MACROD2: variants seen among roughly 807,000 people sequenced by gnomAD.
MACROD2 encodes the protein mono-ADP ribosylhydrolase 2, also known as ADP-ribose glycohydrolase MACROD2.
A neutral mutation model predicts 70.4 loss-of-function variants in MACROD2; 36 were observed. That is an observed-to-expected ratio of 0.51 (90% CI 0.39 to 0.68). The LOEUF is 0.68. Ranked by LOEUF, MACROD2 falls within the 30% of genes least tolerant of loss-of-function variation. MACROD2 has a pLI of 0.00. For missense variants in MACROD2, 496 were observed against 538.4 expected (o/e 0.92, Z 0.78); for synonymous variants, 172 against 178.8 (o/e 0.96, Z 0.30).
At chr20:15,414,108 A>G (rs1366304705) in intron 6 of MACROD2, among the ~76,000 whole-genome samples, 3 of 152,132 alleles carry the variant, frequency 2.0e-5, no homozygotes, top group South Asian at 2.1e-4. Flanking sequence ...CTAAAAGTGC[A>G]TTTCTTTCAC....
intron 3 of MACROD2, among the ~76,000 whole-genome samples, chr20:14,455,000 C>T (rs550514292): frequency 6.6e-6 from 1 of 151,732 alleles, no homozygotes; most frequent in South Asian, 2.1e-4. Flanking sequence ...GATCCGCCTG[C>T]CTTGGCCTCC....
chr20:15,896,203 T>G (rs991834383), intron 10 of MACROD2, among the ~76,000 whole-genome samples: 1 of 152,182 alleles, frequency 6.6e-6, no homozygotes, highest in Non-Finnish European at 1.5e-5. Context: ...GCTCCTGGTA[T>G]TTTTATTTAT....
intron 5 of MACROD2, among the ~76,000 whole-genome samples, chr20:15,122,688 T>C (rs1442845905): frequency 6.6e-6 from 1 of 152,204 alleles, no homozygotes; most frequent in Non-Finnish European, 1.5e-5. Context: ...ATGCATTCTA[T>C]ACATGTCTCT....
intron 3 of MACROD2, among the ~76,000 whole-genome samples, chr20:14,113,772 G>T (rs549658238): frequency 8.7e-4 from 132 of 152,204 alleles, no homozygotes; most frequent in South Asian, 3.5e-3. Context: ...AGGAAATTTA[G>T]AAATAAATTA....
chr20:15,398,931 C>T (rs1223621609), intron 6 of MACROD2, among the ~76,000 whole-genome samples: 1 of 152,188 alleles, frequency 6.6e-6, no homozygotes, highest in Non-Finnish European at 1.5e-5. Flanking sequence ...ATCCTTCTCG[C>T]CTCAGCCTCC....
At chr20:15,173,956 A>T (rs1424484805) in intron 5 of MACROD2, among the ~76,000 whole-genome samples, 1 of 152,178 alleles carries the variant, frequency 6.6e-6, no homozygotes, top group African/African-American at 2.4e-5. Flanking sequence ...TTCATTGGTT[A>T]AAAAAGTGTC....
intron 3 of MACROD2, among the ~76,000 whole-genome samples, chr20:14,340,607 C>T (rs2083003332): frequency 2.6e-5 from 4 of 152,116 alleles, no homozygotes; most frequent in South Asian, 2.1e-4. Flanking sequence ...TGTACTTACA[C>T]ATCTCATGAC....
chr20:15,260,172 A>C (rs534561969), intron 6 of MACROD2, among the ~76,000 whole-genome samples: 1 of 151,862 alleles, frequency 6.6e-6, no homozygotes, highest in East Asian at 1.9e-4. Flanking sequence ...ATTTTAAAGT[A>C]TACAAATAAT....
chr20:14,675,646 C>G (rs2070850962), intron 4 of MACROD2, among the ~76,000 whole-genome samples: 1 of 152,126 alleles, frequency 6.6e-6, no homozygotes, highest in Admixed American at 6.5e-5. Context: ...ACTGCATCAA[C>G]AAATGGGCAA....
intron 5 of MACROD2, among the ~76,000 whole-genome samples, chr20:15,017,552 C>A (rs892012062): frequency 2.0e-5 from 3 of 152,192 alleles, no homozygotes; most frequent in Admixed American, 6.5e-5. Flanking sequence ...TAGGCGGTAC[C>A]CCAGTAGGGA....
chr20:15,395,932 A>C lies in MACROD2; in HGVS notation c.541-35473A>C, dbSNP rs912032818. Among the ~76,000 whole-genome samples, 4 of 152,146 alleles carry C rather than the reference A, an allele frequency of 2.6e-5. No individual in the cohort carries two copies. In the East Asian group the frequency reaches 7.7e-4, roughly 29 times the overall value. ...CATGGTATTACATAAATGCTCTCCC[A>C]TTCCTCTTCTATTGCAACTTGCTGA... On this transcript the variant is annotated intron_variant, in intron 6 of 17. Coordinates refer to ENST00000684519, the MANE Select transcript of MACROD2 (RefSeq NM_001351661.2).
chr20:15,575,740 G>A lies in MACROD2; in HGVS notation c.645+75893G>A, dbSNP rs1030502844. On this transcript the variant is annotated intron_variant, in intron 8 of 17. Transcript: ENST00000684519. ...TGAGAAAAGAGCACATAAGAATAGG[G>A]CTGCATAAATTTTCACAGACTGGGC... Among the ~76,000 whole-genome samples the A allele has an allele frequency of 2.6e-5, 4 of 152,088 alleles. No homozygotes were observed. In the East Asian group the frequency reaches 7.7e-4, roughly 29 times the overall value.
At chr20:15,348,753 C>G (rs557700212) in intron 6 of MACROD2, among the ~76,000 whole-genome samples, 7 of 152,018 alleles carry the variant, frequency 4.6e-5, no homozygotes, top group Non-Finnish European at 1.0e-4. Context: ...ATCACGAGAA[C>G]AGCACAGGAA....
In MACROD2 at chr20:14,030,214, T is replaced by C. The variant is rs184578172; in HGVS notation, c.163+27810T>C. The stretch of plus-strand genomic sequence containing the variant: ...CTACCACTTGTGGCTATTTTTTTAT[T>C]TTTTGTAGAGACAGGATCTTGCTAT... On this transcript the variant is annotated intron_variant, in intron 2 of 17. Transcript: ENST00000684519. 4.6e-5 allele frequency among the ~76,000 whole-genome samples: 7 copies of C among 152,146 alleles called. No homozygotes were observed. In the East Asian group the frequency reaches 1.4e-3, roughly 29 times the overall value.
intron 10 of MACROD2, among the ~76,000 whole-genome samples, chr20:15,888,232 A>T (rs1156733706): frequency 6.6e-6 from 1 of 152,140 alleles, no homozygotes; most frequent in African/African-American, 2.4e-5. Flanking sequence ...TTTAAATTAA[A>T]ATTTCCATTC....
chr20:15,242,763 A>C (rs1463282186), intron 6 of MACROD2, among the ~76,000 whole-genome samples: 1 of 152,328 alleles, frequency 6.6e-6, no homozygotes, highest in East Asian at 1.9e-4. Context: ...TTGGTTTTTA[A>C]ATTAAAAATA....
intron 5 of MACROD2, among the ~76,000 whole-genome samples, chr20:14,975,673 C>T (rs1442819573): frequency 2.0e-5 from 3 of 152,088 alleles, no homozygotes; most frequent in East Asian, 1.9e-4. Context: ...TCGACTCTCA[C>T]GACCTCTCTA....
intron 6 of MACROD2, among the ~76,000 whole-genome samples, chr20:15,277,079 G>C (rs919043606): frequency 6.6e-6 from 1 of 152,166 alleles, no homozygotes; most frequent in African/African-American, 2.4e-5. Context: ...AGATGGGGTG[G>C]CTTTGACAAC....
At chr20:15,844,348 C>T (rs546789157) in intron 8 of MACROD2, among the ~76,000 whole-genome samples, 21 of 152,216 alleles carry the variant, frequency 1.4e-4, no homozygotes, top group African/African-American at 4.8e-4. Flanking sequence ...CATCATCAAC[C>T]TATCAAACAT....
Sources: gnomAD v4.1 joint callset for allele counts (sites outside exome capture counted in the v4.1 genomes callset) on GRCh38, gnomAD v4.1.1 for gene constraint, MANE v1.5 for transcripts, NCBI Gene and HGNC (gene_info 2026-07-23, HGNC 2026-07-21) for gene names.